The following PPIL6 variants were observed in gnomAD, a reference collection of about 807,000 sequenced individuals.
PPIL6 encodes the protein probable inactive peptidyl-prolyl cis-trans isomerase-like 6.
PPIL6 carries 39 observed loss-of-function variants against 36.8 expected under a neutral mutation model. That is an observed-to-expected ratio of 1.06 (90% CI 0.82 to 1.38). The LOEUF is 1.38. PPIL6 is among the 40% of genes most tolerant of loss of function. The pLI is 0.00. For synonymous variants in PPIL6, 123 were observed against 134.1 expected (o/e 0.92, Z 0.57); for missense variants, 368 against 379.1 (o/e 0.97, Z 0.24).
At chr6:109,416,875 G>A (rs1266544832) in intron 6 of PPIL6, among the ~76,000 whole-genome samples, 1 of 152,080 alleles carries the variant, frequency 6.6e-6, no homozygotes, top group Non-Finnish European at 1.5e-5. Flanking sequence ...AGACAAAAAA[G>A]GTATTTTGCA....
In PPIL6 at chr6:109,436,171, A is replaced by T; in HGVS notation, c.164T>A (p.Phe55Tyr). The change falls in exon 2 of 8, where the codon TTT (phenylalanine) becomes TAT (tyrosine). Residue 55 changes from phenylalanine to tyrosine, a missense_variant. Transcript: ENST00000521072. Reference sequence around the variant, plus strand: ...AAGAGGAACTAATATAGGATCTTCAAATTTGGATGGATGATTATTCTTCAG... The same window carrying T: ...AAGAGGAACTAATATAGGATCTTCATATTTGGATGGATGATTATTCTTCAG... ...ENLKNNHPSK[F>Y]EDPILVPLQE... The T allele has an allele frequency of 6.4e-7, 1 of 1,569,696 alleles. No individual in the cohort carries two copies. Among genetic ancestry groups the T allele is most frequent in the Non-Finnish European group, 8.8e-7 (1 of 1,140,042 alleles).
chr6:109,437,052 C>T (rs911462822), intron 1 of PPIL6, among the ~76,000 whole-genome samples: 2 of 152,080 alleles, frequency 1.3e-5, no homozygotes, highest in Non-Finnish European at 2.9e-5. Context: ...AAGAGAAGTA[C>T]GAAATCAGTT....
At chr6:109,426,108 C>T (rs1044419725) in intron 5 of PPIL6, among the ~76,000 whole-genome samples, 12 of 152,160 alleles carry the variant, frequency 7.9e-5, no homozygotes, top group East Asian at 5.8e-4. Context: ...AGGGAAAATA[C>T]CTGCTTTAAC....
intron 3 of PPIL6, among the ~76,000 whole-genome samples, chr6:109,430,115 G>A (rs1774052460): frequency 6.6e-6 from 1 of 152,208 alleles, no homozygotes; most frequent in Non-Finnish European, 1.5e-5. Flanking sequence ...CACCTATTAT[G>A]TTTCAGGTCT....
intron 1 of PPIL6, among the ~76,000 whole-genome samples, chr6:109,438,089 C>T (rs1774554364): frequency 6.6e-6 from 1 of 151,804 alleles, no homozygotes. Context: ...ATAATAATTG[C>T]ACATATTTAT....
chr6:109,412,012 A>G (rs72935292), intron 6 of PPIL6, among the ~76,000 whole-genome samples: 1 of 152,348 alleles, frequency 6.6e-6, no homozygotes, highest in Non-Finnish European at 1.5e-5. Flanking sequence ...GGTGGGGATC[A>G]GATTGAGGAC....
In PPIL6 at chr6:109,392,776, C is replaced by A; in HGVS notation, c.*50G>T. ...ACTTTTTAATTAAATCCACAAACAG[C>A]TGATCAGATACAAAGTAATAAATTA... is the stretch of plus-strand genomic sequence containing the variant. On this transcript the variant is annotated 3_prime_UTR_variant, in exon 8 of 8. Coordinates refer to ENST00000521072, the MANE Select transcript of PPIL6 (RefSeq NM_173672.5). The A allele has an allele frequency of 9.2e-7, 1 of 1,081,450 alleles. No individual in the cohort carries two copies. The highest frequency in any genetic ancestry group is 1.4e-6 in the Non-Finnish European group (1 of 728,218). The allele number at this position is 1,081,450 out of a possible 1,614,324, so 67.0% of individuals were successfully genotyped here. A position where few individuals can be genotyped will look rare whatever the true frequency, so the allele number is the denominator to read the frequency against.
chr6:109,408,524 C>T (rs141989310), intron 6 of PPIL6, among the ~76,000 whole-genome samples: 13 of 152,132 alleles, frequency 8.5e-5, no homozygotes, highest in African/African-American at 3.1e-4. Flanking sequence ...GAGGTATACA[C>T]AATTGTCAAA....
chr6:109,402,204 C>G (rs1488697609), intron 6 of PPIL6, among the ~76,000 whole-genome samples: 3 of 152,144 alleles, frequency 2.0e-5, no homozygotes, highest in South Asian at 2.1e-4. Flanking sequence ...AAAGAAACTG[C>G]TACCTATGTG....
Position 109,393,519 on chromosome 6 carries a change from C to G in PPIL6, c.825-582G>C, listed in dbSNP as rs948959882. The stretch of plus-strand genomic sequence containing the variant: ...GGGATTATAAGTGTGCGCCACCACA[C>G]CTGGCCAGCATGGTCTTTTAGAAAT... On this transcript the variant is annotated intron_variant, in intron 7 of 7. Transcript: ENST00000521072. Among the ~76,000 whole-genome samples, 5 of 152,132 alleles carry G rather than the reference C, an allele frequency of 3.3e-5. No individual in the cohort carries two copies. The East Asian group carries it at 9.6e-4, about 29-fold the overall frequency.
intron 5 of PPIL6, among the ~76,000 whole-genome samples, chr6:109,423,924 T>C (rs1773680988): frequency 6.6e-6 from 1 of 152,196 alleles, no homozygotes; most frequent in African/African-American, 2.4e-5. Context: ...GCACCTACTA[T>C]ATCTCAAGCA....
At chr6:109,400,266 T>C in intron 6 of PPIL6, 96 bp from the exon 7 acceptor site, 2 of 936,162 alleles carry the variant, frequency 2.1e-6, no homozygotes, top group Non-Finnish European at 3.1e-6. Flanking sequence ...GGTAACACTC[T>C]CAATCATATT....
intron 2 of PPIL6, 109 bp downstream of exon 2, chr6:109,435,995 A>C: frequency 1.3e-6 from 1 of 747,124 alleles, no homozygotes; most frequent in East Asian, 2.5e-5. Context: ...GAGAAATAAA[A>C]TCTAGTTACA....
chr6:109,432,643 T>C lies in PPIL6; in HGVS notation c.232-1298A>G, dbSNP rs930523317. The stretch of plus-strand genomic sequence containing the variant: ...GAATTTGCATTTATTTATTTGTTTT[T>C]TGGAGATGAGGTCTCACTATATTGC... On this transcript the variant is annotated intron_variant, in intron 2 of 7. Transcript: ENST00000521072. 2.6e-5 allele frequency among the ~76,000 whole-genome samples: 4 copies of C among 152,256 alleles called. No homozygotes were observed. In the East Asian group the frequency reaches 7.7e-4, roughly 29 times the overall value.
upstream of PPIL6, chr6:109,441,062 C>T (rs539166395): frequency 3.6e-3 from 5,703 of 1,572,674 alleles, 31 homozygotes; most frequent in South Asian, 0.015. Flanking sequence ...CCGCCCCCGT[C>T]CCCACCGCGG....
chr6:109,425,854 G>T (rs1476451510), intron 5 of PPIL6, among the ~76,000 whole-genome samples: 1 of 151,140 alleles, frequency 6.6e-6, no homozygotes, highest in Non-Finnish European at 1.5e-5. Context: ...GACCCCTTGA[G>T]AAATGTTTTA....
intron 5 of PPIL6, among the ~76,000 whole-genome samples, chr6:109,426,518 G>T (rs17070591): frequency 6.6e-6 from 1 of 151,932 alleles, no homozygotes; most frequent in Non-Finnish European, 1.5e-5. Context: ...TATTAAAACC[G>T]CTGTATTTCT....
At chr6:109,437,201 G>A (rs1376766744) in intron 1 of PPIL6, among the ~76,000 whole-genome samples, 3 of 152,208 alleles carry the variant, frequency 2.0e-5, no homozygotes, top group African/African-American at 7.2e-5. Flanking sequence ...GAGAACACAG[G>A]TGAAGCAGTA....
Position 109,426,949 on chromosome 6 carries a change from A to G in PPIL6, c.529T>C (p.Leu177=). The change falls in exon 5 of 8, where the codon TTG becomes CTG. Residue 177 remains leucine, a synonymous_variant. Transcript: ENST00000521072. ...CPKTCKNFQV[L]CTGKAGFSQR... Reference sequence around the variant, plus strand: ...GAAAACCCTGCTTTTCCTGTGCACAAGACCTGAAAATTTTTACATGTTTTG... The same window carrying G: ...GAAAACCCTGCTTTTCCTGTGCACAGGACCTGAAAATTTTTACATGTTTTG... 3 of 1,608,638 alleles carry G rather than the reference A, an allele frequency of 1.9e-6. No homozygotes were observed. Among genetic ancestry groups the G allele is most frequent in the Non-Finnish European group, 2.6e-6 (3 of 1,175,834 alleles).
Sources: gnomAD v4.1 joint callset for allele counts (sites outside exome capture counted in the v4.1 genomes callset) on GRCh38, gnomAD v4.1.1 for gene constraint, MANE v1.5 for transcripts, NCBI Gene and HGNC (gene_info 2026-07-23, HGNC 2026-07-21) for gene names.